The following MACF1 variants were observed in gnomAD, a reference collection of about 807,000 sequenced individuals.
MACF1 encodes microtubule-actin cross-linking factor 1.
A neutral mutation model predicts 854.8 loss-of-function variants in MACF1; 193 were observed. The ratio of observed to expected loss-of-function variants is 0.23; its 90% confidence interval spans 0.20 to 0.25. MACF1 has a LOEUF of 0.25. Ranked by LOEUF, MACF1 falls within the 10% of genes least tolerant of loss-of-function variation. The pLI, the probability that MACF1 is intolerant of heterozygous loss-of-function variation, is 1.00. For missense variants in MACF1, 7,722 were observed against 8,929.1 expected, an observed-to-expected ratio of 0.86 and a Z score of 5.45; for synonymous variants, 3,185 against 3,226.7, an observed-to-expected ratio of 0.99 and a Z score of 0.44.
Position 39,162,393 on chromosome 1 carries a change from T to C in MACF1, c.221-68789T>C, listed in dbSNP as rs145581016. 2.0e-4 allele frequency among the ~76,000 whole-genome samples: 31 copies of C among 152,350 alleles called. No homozygotes were observed. In the East Asian group the frequency reaches 6.0e-3, roughly 29 times the overall value. On this transcript the variant is annotated intron_variant, in intron 2 of 93. Transcript: ENST00000361689. The stretch of plus-strand genomic sequence containing the variant: ...TTTTACCCTTCTCTTCCTTTGCATA[T>C]ACTGTCTTATTTCCTCTGCCTGGAA...
chr1:39,338,985 A>G (rs1448943420), intron 38 of MACF1, among the ~76,000 whole-genome samples: 1 of 152,248 alleles, frequency 6.6e-6, no homozygotes, highest in Non-Finnish European at 1.5e-5. Flanking sequence ...TTAGGAAAAA[A>G]AACATACTGA....
chr1:39,263,706 A>T (rs963012047), intron 6 of MACF1, among the ~76,000 whole-genome samples: 2 of 149,012 alleles, frequency 1.3e-5, no homozygotes, highest in Admixed American at 1.3e-4. Context: ...TGTTGCTTGT[A>T]TGTCTTTATA....
At chr1:39,355,490 C>T (rs1204067810) in intron 44 of MACF1, among the ~76,000 whole-genome samples, 6 of 94,578 alleles carry the variant, frequency 6.3e-5, no homozygotes, top group Admixed American at 1.6e-4. Context: ...TTTTTTGAGA[C>T]GGAGTCTCAC....
chr1:39,477,075 A>ATATATACACTTAGTG (rs1644909635), intron 97 of MACF1, among the ~76,000 whole-genome samples: 1 of 51,308 alleles, frequency 1.9e-5, no homozygotes, highest in Non-Finnish European at 3.3e-5. Context: ...ATATATATAT[A>ATATATACACTTAGTG]TATATATATA....
rs139578945 is a variant in MACF1 at position 39,225,217 on chromosome 1, C to CTTTTTTTTTTTTTTTT, written c.110-5955_110-5954insTTTTTTTTTTTTTTTT. 2.1e-4 allele frequency among the ~76,000 whole-genome samples: 26 copies of CTTTTTTTTTTTTTTTT among 125,192 alleles called. 4 individuals carry two copies. The highest frequency in any genetic ancestry group is 2.9e-4 in the Non-Finnish European group (18 of 62,010). The allele number at this position is 125,192 out of a possible 152,430, so 82.1% of individuals were successfully genotyped here. On this transcript the variant is annotated intron_variant, in intron 1 of 100. Coordinates refer to ENST00000564288, the MANE Select transcript of MACF1 (RefSeq NM_001394062.1). ...AACAAATAGCAAATTTTTCTTTTTT[C>CTTTTTTTTTTTTTTTT]TTTTTTTTTTGAGACGGAGTCTCGC...
intron 2 of MACF1, among the ~76,000 whole-genome samples, chr1:39,241,454 G>T (rs954644411): frequency 6.6e-6 from 1 of 152,040 alleles, no homozygotes; most frequent in African/African-American, 2.4e-5. Flanking sequence ...GAGGTCAGGC[G>T]TTCGGGACCA....
intron 2 of MACF1, among the ~76,000 whole-genome samples, chr1:39,166,546 T>G (rs1171339326): frequency 6.6e-6 from 1 of 152,080 alleles, no homozygotes; most frequent in African/African-American, 2.4e-5. Flanking sequence ...AACCTCCGCC[T>G]CCTGGGTTCA....
chr1:39,213,556 C>T (rs1232220163), intron 1 of MACF1, among the ~76,000 whole-genome samples: 1 of 152,054 alleles, frequency 6.6e-6, no homozygotes, highest in Non-Finnish European at 1.5e-5. Flanking sequence ...AGGGTGGTCT[C>T]GAACTCCTGA....
At chr1:39,404,445 T>A (rs1642612555) in intron 58 of MACF1, among the ~76,000 whole-genome samples, 1 of 151,456 alleles carries the variant, frequency 6.6e-6, no homozygotes, top group Admixed American at 6.6e-5. Flanking sequence ...CACCCCAGCC[T>A]GGGTGACAAT....
intron 21 of MACF1, among the ~76,000 whole-genome samples, 188 bp from the exon 22 acceptor site, chr1:39,300,022 A>G (rs1167458923): frequency 6.6e-6 from 1 of 152,242 alleles, no homozygotes; most frequent in Non-Finnish European, 1.5e-5. Flanking sequence ...AGCACTTGGT[A>G]GAAGACAGAA....
chr1:39,096,401 C>A (rs553212483), intron 2 of MACF1, among the ~76,000 whole-genome samples: 1 of 150,982 alleles, frequency 6.6e-6, no homozygotes, highest in East Asian at 2.0e-4. Flanking sequence ...TATATTGCAA[C>A]CCCACTTCTC....
chr1:39,174,206 C>G (rs573061993), intron 2 of MACF1, among the ~76,000 whole-genome samples: 1 of 152,332 alleles, frequency 6.6e-6, no homozygotes, highest in South Asian at 2.1e-4. Flanking sequence ...GAATCATACT[C>G]TATCACTTAG....
At chr1:39,293,737 G>A in intron 18 of MACF1, 118 bp downstream of exon 18, 5 of 908,424 alleles carry the variant, frequency 5.5e-6, no homozygotes, top group Middle Eastern at 3.7e-4. Flanking sequence ...TAGAAATAGG[G>A]GCCCTACTCA....
chr1:39,477,006 C>CGGAG (rs1644897246), intron 97 of MACF1, among the ~76,000 whole-genome samples: 1 of 110,344 alleles, frequency 9.1e-6, no homozygotes, highest in Admixed American at 9.3e-5. Context: ...TCCCGTTCTC[C>CGGAG]CTCTTAGATA....
intron 49 of MACF1, among the ~76,000 whole-genome samples, chr1:39,362,325 T>A (rs1648267231): frequency 6.6e-6 from 1 of 152,234 alleles, no homozygotes; most frequent in South Asian, 2.1e-4. Context: ...TCCAGCTTTC[T>A]AACTTTTTCC....
chr1:39,325,719 A>G (rs1056838094), intron 35 of MACF1, among the ~76,000 whole-genome samples: 4 of 152,216 alleles, frequency 2.6e-5, no homozygotes, highest in Non-Finnish European at 5.9e-5. Context: ...AAAGGAGATT[A>G]AGAAAGGTAT....
intron 58 of MACF1, 111 bp from the exon 59 acceptor site, chr1:39,422,263 C>A: frequency 1.3e-6 from 1 of 776,532 alleles, no homozygotes; most frequent in Non-Finnish European, 2.0e-6. Flanking sequence ...TCTTTTTATT[C>A]CTGGTCGTCT....
intron 40 of MACF1, among the ~76,000 whole-genome samples, chr1:39,343,592 A>C (rs1250922284): frequency 6.6e-6 from 1 of 152,228 alleles, no homozygotes; most frequent in African/African-American, 2.4e-5. Context: ...ATAACATATG[A>C]ATCCTCTTGT....
intron 51 of MACF1, among the ~76,000 whole-genome samples, chr1:39,370,858 A>C (rs1035511284): frequency 2.6e-4 from 40 of 152,160 alleles, no homozygotes; most frequent in Non-Finnish European, 7.3e-5. Flanking sequence ...GCCAAAAAAA[A>C]CAGAAACAAA....
Sources: gnomAD v4.1 joint callset for allele counts (sites outside exome capture counted in the v4.1 genomes callset) on GRCh38, gnomAD v4.1.1 for gene constraint, MANE v1.5 for transcripts, NCBI Gene and HGNC (gene_info 2026-07-23, HGNC 2026-07-21) for gene names.